PACSIN2: variants seen among roughly 807,000 people sequenced by gnomAD.
PACSIN2 encodes the protein protein kinase C and casein kinase substrate in neurons 2, also known as protein kinase C and casein kinase substrate in neurons protein 2.
Under a neutral mutation model 63.8 loss-of-function variants are expected in PACSIN2, and 25 were observed. That is an observed-to-expected ratio of 0.39 (90% confidence interval 0.29 to 0.55). PACSIN2 has a LOEUF of 0.55. Among genes scored for constraint, PACSIN2 ranks in the 20% least tolerant of loss-of-function variants. PACSIN2 has a pLI of 0.62. For missense variants in PACSIN2, 518 were observed against 646.9 expected (o/e 0.80, Z 2.16); for synonymous variants, 255 against 256.2 (o/e 1.00, Z 0.05).
In PACSIN2 at chr22:42,985,140, C is replaced by A. The variant is rs566573871; in HGVS notation, c.-78+29881G>T. Among the ~76,000 whole-genome samples, 126 of 152,318 alleles carry A rather than the reference C, an allele frequency of 8.3e-4. 1 individual carries two copies. The highest frequency in any genetic ancestry group is 3.0e-3 in the African/African-American group (123 of 41,570). On this transcript the variant is annotated intron_variant, in intron 1 of 10. Coordinates refer to ENST00000263246, the MANE Select transcript of PACSIN2 (RefSeq NM_001184970.3). Reference sequence around the variant, plus strand: ...GGTCAGGGGTTCAAGACCAGCCTGGCCAACATGCGAAACCCCATCTCTGCT... The same window carrying A: ...GGTCAGGGGTTCAAGACCAGCCTGGACAACATGCGAAACCCCATCTCTGCT...
chr22:42,974,356 A>G (rs977697423), intron 1 of PACSIN2, among the ~76,000 whole-genome samples: 3 of 152,106 alleles, frequency 2.0e-5, no homozygotes, highest in Non-Finnish European at 2.9e-5. Context: ...ATCTACTTCT[A>G]AACAGTAGGG....
chr22:43,013,874 C>G (rs1460221915), intron 1 of PACSIN2, among the ~76,000 whole-genome samples: 1 of 152,104 alleles, frequency 6.6e-6, no homozygotes, highest in Admixed American at 6.6e-5. Context: ...ACCGGACAGG[C>G]GGAGGGAAAA....
At chr22:42,972,062 T>TG (rs111595676) in intron 1 of PACSIN2, among the ~76,000 whole-genome samples, 2,896 of 149,870 alleles carry the variant, frequency 0.019, 94 homozygotes, top group African/African-American at 0.065. Flanking sequence ...TTTTGTCCAA[T>TG]GGGGGGGGGA....
At chr22:42,986,434 GT>G (rs916769478) in intron 1 of PACSIN2, among the ~76,000 whole-genome samples, 1 of 152,022 alleles carries the variant, frequency 6.6e-6, no homozygotes, top group African/African-American at 2.4e-5. Flanking sequence ...AATGACCTTG[GT>G]TCCCCTCTCC....
At chr22:42,926,781 A>G (rs1240729767) in intron 1 of PACSIN2, among the ~76,000 whole-genome samples, 1 of 151,842 alleles carries the variant, frequency 6.6e-6, no homozygotes, top group Non-Finnish European at 1.5e-5. Context: ...GCAGTGAGCT[A>G]TGATCACGCC....
intron 2 of PACSIN2, among the ~76,000 whole-genome samples, chr22:42,908,349 C>T (rs1165115564): frequency 5.4e-5 from 8 of 148,330 alleles, no homozygotes; most frequent in Admixed American, 4.8e-4. Context: ...ACAGACCTGC[C>T]ATCCTGTTCC....
rs1253098949 is a variant in PACSIN2 at position 43,010,385 on chromosome 22, C to CATATATATATATATATATAT, written c.-78+4635_-78+4636insATATATATATATATATATAT. On this transcript the variant is annotated intron_variant, in intron 1 of 10. Transcript: ENST00000263246. ...GGAATCCCATCTCTGTTTAAAAATA[C>CATATATATATATATATATAT]ATATATATATATATTTTTTTTTAAT... 1.1e-4 allele frequency among the ~76,000 whole-genome samples: 7 copies of CATATATATATATATATATAT among 66,120 alleles called. No individual in the cohort carries two copies. In the South Asian group the frequency reaches 1.6e-3, roughly 16 times the overall value. The allele number at this position is 66,120 out of a possible 152,430, so 43.4% of individuals were successfully genotyped here.
chr22:42,914,529 T>A (rs1339121335), intron 1 of PACSIN2, among the ~76,000 whole-genome samples: 1 of 152,164 alleles, frequency 6.6e-6, no homozygotes, highest in African/African-American at 2.4e-5. Context: ...GCCTTTTTTC[T>A]ATGGAATCCT....
At chr22:42,965,741 G>A (rs1024066423) in intron 1 of PACSIN2, among the ~76,000 whole-genome samples, 3 of 152,130 alleles carry the variant, frequency 2.0e-5, no homozygotes, top group South Asian at 2.1e-4. Flanking sequence ...CACTAGCACC[G>A]CGATGAAAGG....
chr22:43,005,764 T>C (rs572237439), intron 1 of PACSIN2, among the ~76,000 whole-genome samples: 2 of 152,238 alleles, frequency 1.3e-5, no homozygotes, highest in East Asian at 3.9e-4. Flanking sequence ...CTGGGGTCCA[T>C]CACCTCATGC....
chr22:42,920,502 T>C (rs961071183), intron 1 of PACSIN2, among the ~76,000 whole-genome samples: 1 of 152,222 alleles, frequency 6.6e-6, no homozygotes, highest in Non-Finnish European at 1.5e-5. Flanking sequence ...TTAGTGTCAC[T>C]TTTTGGAAAG....
At chr22:42,875,693 G>A (rs897044136) in intron 10 of PACSIN2, among the ~76,000 whole-genome samples, 7 of 152,060 alleles carry the variant, frequency 4.6e-5, no homozygotes, top group South Asian at 2.1e-4. Context: ...CCCGCCACAC[G>A]CCTGGCTCAT....
intron 5 of PACSIN2, among the ~76,000 whole-genome samples, chr22:42,886,777 C>T (rs1007314946): frequency 6.6e-6 from 1 of 152,182 alleles, no homozygotes; most frequent in African/African-American, 2.4e-5. Flanking sequence ...TCATATCCTG[C>T]AGTCACTGGC....
At chr22:42,957,113 T>C (rs1448719483) in intron 1 of PACSIN2, among the ~76,000 whole-genome samples, 1 of 149,674 alleles carries the variant, frequency 6.7e-6, no homozygotes, top group Non-Finnish European at 1.5e-5. Flanking sequence ...TAGGATAATG[T>C]CGCCTGGCTC....
At chr22:42,932,940 G>C (rs1186631879) in intron 1 of PACSIN2, among the ~76,000 whole-genome samples, 3 of 152,186 alleles carry the variant, frequency 2.0e-5, no homozygotes, top group African/African-American at 7.2e-5. Flanking sequence ...GGTCCTCTCT[G>C]AATCAGAGGA....
Position 42,869,943 on chromosome 22 carries a change from G to T in PACSIN2, c.*1414C>A, listed in dbSNP as rs1243475661. 1 of 152,438 alleles carries T rather than the reference G, an allele frequency of 6.6e-6. No homozygotes were observed. The highest frequency in any genetic ancestry group is 2.1e-4 in the South Asian group (1 of 4,832). 9.4% of individuals were successfully genotyped at this position (152,438 alleles called of 1,614,324 possible). A position where few individuals can be genotyped will look rare whatever the true frequency, so the allele number is the denominator to read the frequency against. The stretch of plus-strand genomic sequence containing the variant: ...AGACACAGGTCCACTTTCCAAGCAA[G>T]ACATCTGCTCACTGGAAACGGAGTG... On this transcript the variant is annotated 3_prime_UTR_variant, in exon 11 of 11. Coordinates refer to ENST00000263246, the MANE Select transcript of PACSIN2 (RefSeq NM_001184970.3).
chr22:42,987,075 T>C (rs896577371), intron 1 of PACSIN2, among the ~76,000 whole-genome samples: 2 of 152,080 alleles, frequency 1.3e-5, no homozygotes, highest in African/African-American at 2.4e-5. Context: ...ACCCTTGATG[T>C]GTAGTCAATG....
intron 1 of PACSIN2, among the ~76,000 whole-genome samples, chr22:42,969,043 C>CCATCCATCCATCCATCCA (rs138542738): frequency 6.6e-6 from 1 of 150,772 alleles, no homozygotes; most frequent in East Asian, 2.0e-4. Context: ...ATCTATCTAT[C>CCATCCATCCATCCATCCA]TCCATCCATC....
chr22:42,894,301 C>T (rs567170864), intron 2 of PACSIN2, among the ~76,000 whole-genome samples: 12 of 151,888 alleles, frequency 7.9e-5, no homozygotes, highest in Non-Finnish European at 1.6e-4. Context: ...AGTGCAGTGG[C>T]ACGATCTCGG....
Sources: gnomAD v4.1 joint callset for allele counts (sites outside exome capture counted in the v4.1 genomes callset) on GRCh38, gnomAD v4.1.1 for gene constraint, MANE v1.5 for transcripts, NCBI Gene and HGNC (gene_info 2026-07-23, HGNC 2026-07-21) for gene names.